XKR5: variants seen among roughly 807,000 people sequenced by gnomAD.
The protein encoded by XKR5 is XK related 5, also known as XK-related protein 5.
Under a neutral mutation model 40.8 loss-of-function variants are expected in XKR5, and 46 were observed. The ratio of observed to expected loss-of-function variants is 1.13; its 90% CI spans 0.89 to 1.44. The LOEUF is 1.44. XKR5 is among the 40% of genes most tolerant of loss of function. The pLI is 0.00. For synonymous variants in XKR5, 466 were observed against 356.1 expected, an observed-to-expected ratio of 1.31 and a Z score of -3.48; for missense variants, 1,169 against 844.7, an observed-to-expected ratio of 1.38 and a Z score of -4.76.
intron 5 of XKR5, among the ~76,000 whole-genome samples, chr8:6,817,241 C>T (rs1018217098): frequency 6.6e-6 from 1 of 152,184 alleles, no homozygotes; most frequent in Non-Finnish European, 1.5e-5. Context: ...CATTCCTCCC[C>T]GATGCACCTT....
intron 2 of XKR5, among the ~76,000 whole-genome samples, chr8:6,827,416 C>T (rs545516570): frequency 1.3e-5 from 2 of 152,318 alleles, no homozygotes; most frequent in South Asian, 2.1e-4. Flanking sequence ...AGGTGACAAG[C>T]TGGACCCTGA....
chr8:6,825,293 C>G lies in XKR5; in HGVS notation c.299G>C (p.Gly100Ala), dbSNP rs1261029019. 1.9e-6 allele frequency: 3 copies of G among 1,609,622 alleles called. No homozygotes were observed. The highest frequency in any genetic ancestry group is 1.7e-5 in the Admixed American group (1 of 58,830). The change falls in exon 3 of 7, where the codon GGC (glycine) becomes GCC (alanine). Residue 100 changes from glycine to alanine, a missense_variant. Transcript: ENST00000618742. The part of the protein sequence containing the change: ...LQKELEAPHR[G>A]WLQLQEADLS... ...GTCGGCCTCCTGCAGCTGCAGCCAG[C>G]CTCGGTGGGGAGCCTCCAGTTCCTT...
chr8:6,835,428 G>C lies in XKR5; in HGVS notation c.58+8C>G. 1 of 1,477,948 alleles carries C rather than the reference G, an allele frequency of 6.8e-7. No individual in the cohort carries two copies. The highest frequency in any genetic ancestry group is 8.9e-7 in the Non-Finnish European group (1 of 1,121,056). The allele number at this position is 1,477,948 out of a possible 1,614,324, so 91.6% of individuals were successfully genotyped here. ...GGGGTGAGCACAGCCTCGGGCTGCC[G>C]CACTCACGCGCGCTCTGCTCGGCCG... is the stretch of plus-strand genomic sequence containing the variant. On this transcript the variant is annotated splice_region_variant and intron_variant, in intron 1 of 6. Coordinates refer to ENST00000618742, the MANE Select transcript of XKR5 (RefSeq NM_207411.5).
At chr8:6,822,296 C>T (rs1224532923) in intron 4 of XKR5, among the ~76,000 whole-genome samples, 1 of 152,204 alleles carries the variant, frequency 6.6e-6, no homozygotes, top group Non-Finnish European at 1.5e-5. Flanking sequence ...GCTTCAATAA[C>T]ACTTGCCAAA....
chr8:6,817,728 C>T (rs1247419333), intron 5 of XKR5, among the ~76,000 whole-genome samples: 1 of 152,212 alleles, frequency 6.6e-6, no homozygotes, highest in Non-Finnish European at 1.5e-5. Context: ...CAAATCATTT[C>T]GCTGCGCTCT....
chr8:6,823,163 C>G (rs1232704908), intron 4 of XKR5, among the ~76,000 whole-genome samples: 1 of 152,192 alleles, frequency 6.6e-6, no homozygotes, highest in Non-Finnish European at 1.5e-5. Flanking sequence ...TCATCGGGAG[C>G]TGCAGTCTAG....
chr8:6,834,186 C>T (rs146528870), intron 1 of XKR5, among the ~76,000 whole-genome samples: 20 of 152,326 alleles, frequency 1.3e-4, no homozygotes, highest in African/African-American at 4.8e-4. Context: ...AGAGGCACCG[C>T]ACACAGGCAT....
At position 6,825,344 on chromosome 8, in the gene XKR5, C is replaced by A. The variant is rs1033221602; in HGVS notation, c.248G>T (p.Trp83Leu). ...LLQLGVWKRH[W>L]DAALTSLQKE... is the part of the protein sequence containing the mutation. ...CTGCAGACTGGTCAGTGCAGCGTCC[C>A]AGTGCCTAGGGAACAGCAGAGGGCA... Residue 83 changes from tryptophan to leucine, a missense_variant, in exon 3 of 7, where the codon TGG becomes TTG. Coordinates refer to ENST00000618742, the MANE Select transcript of XKR5 (RefSeq NM_207411.5). 203 of 1,560,164 alleles carry A rather than the reference C, an allele frequency of 1.3e-4. 8 individuals carry two copies. The Admixed American group carries it at 4.4e-3, about 34-fold the overall frequency.
intron 5 of XKR5, 111 bp downstream of exon 5, chr8:6,821,758 A>C (rs973528165): frequency 1.1e-6 from 1 of 902,700 alleles, no homozygotes; most frequent in Non-Finnish European, 1.6e-6. Context: ...TTCCTTTTCA[A>C]TAGATAGGTG....
At chr8:6,816,674 A>C (rs1167940196) in intron 5 of XKR5, among the ~76,000 whole-genome samples, 1 of 140,314 alleles carries the variant, frequency 7.1e-6, no homozygotes, top group South Asian at 2.5e-4. Flanking sequence ...TAATTAAATA[A>C]TTATTTAATT....
At chr8:6,835,382 G>C in intron 1 of XKR5, 54 bp downstream of exon 1, 2 of 1,362,896 alleles carry the variant, frequency 1.5e-6, no homozygotes, top group South Asian at 3.4e-5. Context: ...TCCCGGCGCC[G>C]GGGTGGGGTT....
At chr8:6,816,582 T>C (rs1587163442) in intron 5 of XKR5, among the ~76,000 whole-genome samples, 1 of 151,588 alleles carries the variant, frequency 6.6e-6, no homozygotes, top group Admixed American at 6.6e-5. Flanking sequence ...TTAAAATAAG[T>C]AAACAAATGA....
chr8:6,812,783 G>A (rs1246172469), intron 6 of XKR5, among the ~76,000 whole-genome samples: 1 of 152,172 alleles, frequency 6.6e-6, no homozygotes, highest in African/African-American at 2.4e-5. Context: ...GCTGGGGGAA[G>A]GGAGGGCATT....
chr8:6,814,865 G>A (rs1399439806), intron 6 of XKR5, among the ~76,000 whole-genome samples: 3 of 152,158 alleles, frequency 2.0e-5, no homozygotes, highest in African/African-American at 7.2e-5. Flanking sequence ...AAGTGTTTGT[G>A]TCCAGGTCAT....
Position 6,823,538 on chromosome 8 carries a change from C to G in XKR5, c.620G>C (p.Trp207Ser). 1 of 1,590,228 alleles carries G rather than the reference C, an allele frequency of 6.3e-7. No homozygotes were observed. The highest frequency in any genetic ancestry group is 1.1e-5 in the South Asian group (1 of 87,010). ...LVLFYKAYHF[W>S]VFVVAGAHWL... is the part of the protein sequence containing the mutation. ...CAGCTCACCTGCAACCACAAAAACC[C>G]AAAAGTGGTAGGCTTTGTAGAACAG... Residue 207 changes from tryptophan (W) to serine (S), a missense_variant, in exon 4 of 7, where the codon TGG becomes TCG. Physicochemically the swap from Trp to Ser is radical, Grantham distance 177 (BLOSUM62 -3). Coordinates refer to ENST00000618742, the MANE Select transcript of XKR5 (RefSeq NM_207411.5).
chr8:6,832,014 CAAAAAAAAAAA>C (rs34490284), intron 2 of XKR5, among the ~76,000 whole-genome samples: 1 of 45,204 alleles, frequency 2.2e-5, no homozygotes, highest in Non-Finnish European at 3.8e-5. Context: ...GACTCCATCT[CAAAAAAAAAAA>C]AAAAAAAAAA....
At chr8:6,825,103 C>A in intron 3 of XKR5, 62 bp downstream of exon 3, 1 of 1,589,654 alleles carries the variant, frequency 6.3e-7, no homozygotes, top group South Asian at 1.1e-5. Context: ...GCTAAACAGG[C>A]TCACATTCCT....
chr8:6,826,097 C>T lies in XKR5; in HGVS notation c.243-748G>A, dbSNP rs146890638. 3.9e-3 allele frequency among the ~76,000 whole-genome samples: 591 copies of T among 151,952 alleles called. 4 individuals carry two copies. The highest frequency in any genetic ancestry group is 0.013 in the African/African-American group (558 of 41,408). On this transcript the variant is annotated intron_variant, in intron 2 of 6. Transcript: ENST00000618742. ...GTCTATGTATGTGTATGTGCATGTG[C>T]GTGTATATGGGTGAACACACATGTG...
At chr8:6,817,186 C>T (rs1803999144) in intron 5 of XKR5, among the ~76,000 whole-genome samples, 1 of 152,212 alleles carries the variant, frequency 6.6e-6, no homozygotes, top group African/African-American at 2.4e-5. Context: ...CTCTCCTCCA[C>T]ACCAATGTCA....
Sources: allele counts gnomAD v4.1 joint callset (sites outside exome capture counted in the v4.1 genomes callset), GRCh38; gene constraint gnomAD v4.1.1; transcripts MANE v1.5; gene names NCBI Gene and HGNC (gene_info 2026-07-23, HGNC 2026-07-21).